RBFOX1: variants seen among roughly 807,000 people sequenced by gnomAD.
The protein encoded by RBFOX1 is RNA binding fox-1 homolog 1.
Under a neutral mutation model 57.7 loss-of-function variants are expected in RBFOX1, and 8 were observed. The ratio of observed to expected loss-of-function variants is 0.14; its 90% CI spans 0.08 to 0.25. The LOEUF (loss-of-function observed/expected upper bound fraction) is 0.25, where lower values mean the gene tolerates loss of function less well. Among genes scored for constraint, RBFOX1 ranks in the 10% least tolerant of loss-of-function variants. The probability of loss-of-function intolerance (pLI) is 1.00; values close to 1 mark genes in which losing one functional copy is unlikely to be tolerated. For synonymous variants in RBFOX1, 326 were observed against 222.4 expected (o/e 1.47, Z -4.15); for missense variants, 611 against 548.5 (o/e 1.11, Z -1.14).
At chr16:6,585,250 A>G (rs1206206484) in intron 2 of RBFOX1, among the ~76,000 whole-genome samples, 1 of 152,212 alleles carries the variant, frequency 6.6e-6, no homozygotes, top group Non-Finnish European at 1.5e-5. Context: ...CTTACAGAAG[A>G]GGAAACCTTT....
chr16:7,699,011 CAA>C (rs1208269813), intron 14 of RBFOX1, among the ~76,000 whole-genome samples: 1 of 152,110 alleles, frequency 6.6e-6, no homozygotes, highest in African/African-American at 2.4e-5. Flanking sequence ...AAGAATGCAC[CAA>C]AGTCACCTGG....
intron 8 of RBFOX1, among the ~76,000 whole-genome samples, chr16:7,596,440 C>G (rs948376874): frequency 1.3e-5 from 2 of 151,774 alleles, no homozygotes; most frequent in Admixed American, 1.3e-4. Context: ...TTTCATTTTC[C>G]CCTTCGACGA....
intron 4 of RBFOX1, among the ~76,000 whole-genome samples, chr16:7,052,913 A>G (rs745610759): frequency 1.3e-5 from 2 of 152,310 alleles, no homozygotes; most frequent in South Asian, 2.1e-4. Flanking sequence ...TTACTGGACA[A>G]TGTGCCTTAT....
intron 2 of RBFOX1, among the ~76,000 whole-genome samples, chr16:5,489,570 C>G (rs1321802512): frequency 6.6e-5 from 10 of 152,160 alleles, no homozygotes; most frequent in Non-Finnish European, 1.2e-4. Context: ...ACAATGGTGT[C>G]TATTCCTAGT....
intron 4 of RBFOX1, among the ~76,000 whole-genome samples, chr16:7,483,941 C>T (rs1353904315): frequency 1.3e-5 from 2 of 152,218 alleles, no homozygotes; most frequent in Admixed American, 6.5e-5. Flanking sequence ...TACAATCTCA[C>T]AGTCTCCACT....
rs2095427244 is a variant in RBFOX1 at position 7,275,687 on chromosome 16, TCC to T, written c.27+223591_27+223592del. ...TAATTGGAGTTCTGGACACACTCTC[TCC>T]CAGGATTATAGGTATGAGATTAATA... On this transcript the variant is annotated intron_variant, in intron 4 of 15. Coordinates refer to ENST00000550418, the MANE Select transcript of RBFOX1 (RefSeq NM_018723.4). Among the ~76,000 whole-genome samples, 4 of 152,358 alleles carry T rather than the reference TCC, an allele frequency of 2.6e-5. No individual in the cohort carries two copies. In the East Asian group the frequency reaches 7.7e-4, roughly 29 times the overall value.
At chr16:5,572,580 G>C (rs2046317931) in intron 2 of RBFOX1, among the ~76,000 whole-genome samples, 1 of 152,196 alleles carries the variant, frequency 6.6e-6, no homozygotes, top group Admixed American at 6.5e-5. Flanking sequence ...GTCCCTGGTA[G>C]TCAAAATCAC....
rs185876277 is a variant in RBFOX1, at chr16:6,331,336, A to G, written c.-64+14279A>G. Among the ~76,000 whole-genome samples, 20 of 152,184 alleles carry G rather than the reference A, an allele frequency of 1.3e-4. No homozygotes were observed. The East Asian group carries it at 3.9e-3, about 30-fold the overall frequency. ...CTGGTGCATGCCTGTAGTCCCAGCT[A>G]CTGGGGAGGCTGAGGCAGGAGAATC... On this transcript the variant is annotated intron_variant, in intron 2 of 15. Coordinates refer to ENST00000550418, the MANE Select transcript of RBFOX1 (RefSeq NM_018723.4).
At chr16:7,579,486 C>G (rs1383437989) in intron 5 of RBFOX1, among the ~76,000 whole-genome samples, 4 of 152,144 alleles carry the variant, frequency 2.6e-5, no homozygotes, top group Non-Finnish European at 4.4e-5. Context: ...TCTGCCAACA[C>G]TCTATCTATG....
At chr16:7,103,925 A>G (rs547111680) in intron 4 of RBFOX1, among the ~76,000 whole-genome samples, 1 of 152,138 alleles carries the variant, frequency 6.6e-6, no homozygotes, top group Non-Finnish European at 1.5e-5. Context: ...CTCTCTTTCA[A>G]ACATCCATGG....
At chr16:5,525,152 G>C (rs966452385) in intron 2 of RBFOX1, among the ~76,000 whole-genome samples, 1 of 152,136 alleles carries the variant, frequency 6.6e-6, no homozygotes, top group African/African-American at 2.4e-5. Flanking sequence ...GGATTGTGAT[G>C]CTCCCAGGGC....
chr16:7,373,832 C>G (rs927825926), intron 4 of RBFOX1, among the ~76,000 whole-genome samples: 1 of 152,210 alleles, frequency 6.6e-6, no homozygotes, highest in African/African-American at 2.4e-5. Flanking sequence ...AAGATGGACA[C>G]ATTCACGTTT....
intron 3 of RBFOX1, among the ~76,000 whole-genome samples, chr16:5,742,254 C>T (rs1203346185): frequency 5.6e-5 from 7 of 123,972 alleles, no homozygotes; most frequent in African/African-American, 2.3e-4. Context: ...CTTCCTTCCT[C>T]CCTTCCTTCT....
At chr16:6,985,643 C>A (rs776909154) in intron 3 of RBFOX1, among the ~76,000 whole-genome samples, 1 of 151,984 alleles carries the variant, frequency 6.6e-6, no homozygotes, top group Non-Finnish European at 1.5e-5. Flanking sequence ...GTCTGACCAG[C>A]GTGGCAAAAC....
intron 2 of RBFOX1, among the ~76,000 whole-genome samples, chr16:5,479,340 A>G (rs752009839): frequency 6.6e-6 from 1 of 152,148 alleles, no homozygotes; most frequent in Non-Finnish European, 1.5e-5. Context: ...AAGTCAGGTG[A>G]TTTGCCTGAG....
At chr16:5,879,210 C>G (rs771310163) in intron 4 of RBFOX1, among the ~76,000 whole-genome samples, 1 of 152,204 alleles carries the variant, frequency 6.6e-6, no homozygotes, top group Non-Finnish European at 1.5e-5. Context: ...ACTGCAAATG[C>G]AGTATCTCAA....
At chr16:6,925,683 G>C (rs1053194985) in intron 3 of RBFOX1, among the ~76,000 whole-genome samples, 9 of 151,950 alleles carry the variant, frequency 5.9e-5, no homozygotes, top group African/African-American at 2.2e-4. Context: ...TTAACAGCTT[G>C]ATATTTGAGC....
At chr16:7,041,465 A>G (rs1439698436) in intron 3 of RBFOX1, among the ~76,000 whole-genome samples, 2 of 152,104 alleles carry the variant, frequency 1.3e-5, no homozygotes, top group Non-Finnish European at 2.9e-5. Flanking sequence ...GGACATTGGC[A>G]TTCTTCTCAG....
At chr16:7,367,848 A>G (rs982562105) in intron 4 of RBFOX1, among the ~76,000 whole-genome samples, 7 of 151,710 alleles carry the variant, frequency 4.6e-5, no homozygotes, top group Non-Finnish European at 8.8e-5. Context: ...ATATATATGC[A>G]TATATATGTG....
Sources: gnomAD v4.1 joint callset for allele counts (sites outside exome capture counted in the v4.1 genomes callset) on GRCh38, gnomAD v4.1.1 for gene constraint, MANE v1.5 for transcripts, NCBI Gene and HGNC (gene_info 2026-07-23, HGNC 2026-07-21) for gene names.